GRM8: variants seen among roughly 807,000 people sequenced by gnomAD.
GRM8 encodes glutamate metabotropic receptor 8, also known as metabotropic glutamate receptor 8.
A neutral mutation model predicts 87.2 loss-of-function variants in GRM8; 47 were observed. The observed-to-expected ratio is 0.54, with a 90% CI of 0.43 to 0.69. The LOEUF (loss-of-function observed/expected upper bound fraction) is 0.69, where lower values mean the gene tolerates loss of function less well. GRM8 is among the 30% of genes least tolerant of loss of function. The pLI, the probability that GRM8 is intolerant of heterozygous loss-of-function variation, is 0.00. For missense variants in GRM8, 1,019 were observed against 1,139.2 expected, an observed-to-expected ratio of 0.89 and a Z score of 1.52; for synonymous variants, 396 against 404.5, an observed-to-expected ratio of 0.98 and a Z score of 0.25.
chr7:126,535,331 G>C (rs1319508306), intron 8 of GRM8, among the ~76,000 whole-genome samples: 1 of 152,194 alleles, frequency 6.6e-6, no homozygotes, highest in Non-Finnish European at 1.5e-5. Context: ...ATTCACTCGA[G>C]TGGAAGCACT....
chr7:127,035,339 CAA>C (rs1322522038), intron 3 of GRM8, among the ~76,000 whole-genome samples: 2 of 152,152 alleles, frequency 1.3e-5, no homozygotes, highest in Admixed American at 1.3e-4. Context: ...TTGATTCACT[CAA>C]GCAACCAGTC....
At chr7:126,871,620 G>A (rs1268234181) in intron 6 of GRM8, among the ~76,000 whole-genome samples, 7 of 152,084 alleles carry the variant, frequency 4.6e-5, no homozygotes, top group African/African-American at 1.7e-4. Flanking sequence ...AATGTTCTGT[G>A]CATTTTATTT....
At chr7:126,904,523 C>A (rs750197492) in intron 4 of GRM8, 25 bp downstream of exon 4, 9 of 1,607,388 alleles carry the variant, frequency 5.6e-6, no homozygotes, top group South Asian at 1.1e-5. Flanking sequence ...TCTGACCCTA[C>A]ATACAGAAGA....
intron 7 of GRM8, among the ~76,000 whole-genome samples, chr7:126,669,004 C>T (rs956830341): frequency 6.6e-6 from 1 of 152,128 alleles, no homozygotes; most frequent in East Asian, 1.9e-4. Flanking sequence ...AGAATGACAT[C>T]ATGTCCTTTG....
At chr7:126,600,910 A>G (rs947089725) in intron 8 of GRM8, among the ~76,000 whole-genome samples, 1 of 150,012 alleles carries the variant, frequency 6.7e-6, no homozygotes, top group Non-Finnish European at 1.5e-5. Flanking sequence ...ATAATCAAGT[A>G]CAAAGTTAAG....
chr7:126,604,144 T>A (rs2299475), intron 8 of GRM8, among the ~76,000 whole-genome samples: 2 of 151,830 alleles, frequency 1.3e-5, no homozygotes, highest in African/African-American at 2.4e-5. Flanking sequence ...TGATCATCTA[T>A]AGGAAAATAC....
intron 6 of GRM8, among the ~76,000 whole-genome samples, chr7:126,855,876 T>C (rs1369954844): frequency 6.6e-6 from 1 of 152,098 alleles, no homozygotes; most frequent in African/African-American, 2.4e-5. Flanking sequence ...ATAAAGTCCC[T>C]GGAACACAGC....
At chr7:126,774,968 G>A (rs1458940935) in intron 6 of GRM8, among the ~76,000 whole-genome samples, 1 of 152,116 alleles carries the variant, frequency 6.6e-6, no homozygotes, top group African/African-American at 2.4e-5. Context: ...GGTCCAATAA[G>A]CAGTTGGTCA....
At chr7:126,865,861 G>C (rs983301064) in intron 6 of GRM8, among the ~76,000 whole-genome samples, 1 of 151,946 alleles carries the variant, frequency 6.6e-6, no homozygotes, top group Non-Finnish European at 1.5e-5. Flanking sequence ...TCCACTTTTT[G>C]GCTAATATAA....
intron 7 of GRM8, among the ~76,000 whole-genome samples, chr7:126,760,216 C>T (rs1388333313): frequency 6.6e-6 from 1 of 152,016 alleles, no homozygotes; most frequent in Non-Finnish European, 1.5e-5. Context: ...ATGAAGAAGA[C>T]CAGGAATTAC....
chr7:126,450,678 G>A (rs889828321), intron 9 of GRM8, among the ~76,000 whole-genome samples: 22 of 151,464 alleles, frequency 1.5e-4, no homozygotes, highest in Non-Finnish European at 2.7e-4. Flanking sequence ...GTTGTCCTGT[G>A]GGTGGTAACA....
chr7:127,221,336 C>T (rs1355938172), intron 2 of GRM8, among the ~76,000 whole-genome samples: 1 of 152,178 alleles, frequency 6.6e-6, no homozygotes, highest in East Asian at 1.9e-4. Context: ...CTGTAGACCC[C>T]GTTGAGCCCT....
At chr7:127,198,352 G>A (rs1260151649) in intron 2 of GRM8, among the ~76,000 whole-genome samples, 3 of 152,190 alleles carry the variant, frequency 2.0e-5, no homozygotes, top group Admixed American at 6.5e-5. Context: ...ACACAGATAT[G>A]TACTGAATTT....
At chr7:126,803,872 C>T (rs1792370204) in intron 6 of GRM8, among the ~76,000 whole-genome samples, 1 of 152,194 alleles carries the variant, frequency 6.6e-6, no homozygotes, top group Non-Finnish European at 1.5e-5. Flanking sequence ...AATGAGAGAT[C>T]ATGTGTTTAA....
intron 8 of GRM8, among the ~76,000 whole-genome samples, chr7:126,602,254 A>G (rs1409321005): frequency 4.8e-5 from 7 of 145,626 alleles, no homozygotes; most frequent in African/African-American, 1.7e-4. Flanking sequence ...GGTATGCGGC[A>G]TTATTTCTGA....
At chr7:126,567,426 G>A (rs1794321566) in intron 8 of GRM8, among the ~76,000 whole-genome samples, 1 of 139,422 alleles carries the variant, frequency 7.2e-6, no homozygotes, top group Admixed American at 7.3e-5. Context: ...GGGGAGGGGG[G>A]AGGGATAGCA....
intron 2 of GRM8, among the ~76,000 whole-genome samples, chr7:127,153,636 A>C (rs551807484): frequency 6.6e-6 from 1 of 152,274 alleles, no homozygotes; most frequent in Admixed American, 6.5e-5. Context: ...GTTGGTGACT[A>C]TGAACTTTGA....
intron 2 of GRM8, among the ~76,000 whole-genome samples, chr7:127,115,930 A>C (rs1327251953): frequency 6.6e-6 from 1 of 152,200 alleles, no homozygotes; most frequent in Non-Finnish European, 1.5e-5. Context: ...CATCCTGGGC[A>C]ACACAGTGAG....
chr7:127,206,554 G>GCTACAACTC (rs1795923228), intron 2 of GRM8, among the ~76,000 whole-genome samples: 1 of 151,992 alleles, frequency 6.6e-6, no homozygotes, highest in South Asian at 2.1e-4. Flanking sequence ...CTTTTCCACA[G>GCTACAACTC]CTACATCTCC....
Sources: gnomAD v4.1 joint callset for allele counts (sites outside exome capture counted in the v4.1 genomes callset) on GRCh38, gnomAD v4.1.1 for gene constraint, MANE v1.5 for transcripts, NCBI Gene and HGNC (gene_info 2026-07-23, HGNC 2026-07-21) for gene names.